Variants in PDGFD observed in about 807,000 individuals in gnomAD.
PDGFD encodes the protein platelet-derived growth factor D.
PDGFD carries 30 observed loss-of-function variants against 44.7 expected under a neutral mutation model. That is an observed-to-expected ratio of 0.67 (90% CI 0.50 to 0.91). The LOEUF is 0.91. PDGFD is among the 40% of genes least tolerant of loss of function. The pLI, the probability that PDGFD is intolerant of heterozygous loss-of-function variation, is 0.00. For missense variants in PDGFD, 445 were observed against 457.8 expected (o/e 0.97, Z 0.25); for synonymous variants, 173 against 168.4 (o/e 1.03, Z -0.21).
intron 1 of PDGFD, among the ~76,000 whole-genome samples, chr11:104,099,813 C>T (rs1861344552): frequency 6.6e-6 from 1 of 151,798 alleles, no homozygotes; most frequent in Admixed American, 6.6e-5. Context: ...ATTTGCAATT[C>T]TAGTATTTAA....
At chr11:104,139,515 G>A (rs1026462502) in intron 1 of PDGFD, among the ~76,000 whole-genome samples, 4 of 152,122 alleles carry the variant, frequency 2.6e-5, no homozygotes, top group East Asian at 3.8e-4. Flanking sequence ...ACAACAATCC[G>A]ATCACAAACA....
At chr11:103,979,788 T>C (rs1859239348) in intron 3 of PDGFD, among the ~76,000 whole-genome samples, 1 of 152,126 alleles carries the variant, frequency 6.6e-6, no homozygotes, top group Non-Finnish European at 1.5e-5. Flanking sequence ...GGCTGAGAAA[T>C]AACCATTCTA....
At chr11:104,153,553 T>C (rs977830030) in intron 1 of PDGFD, among the ~76,000 whole-genome samples, 3 of 151,804 alleles carry the variant, frequency 2.0e-5, no homozygotes, top group African/African-American at 7.2e-5. Context: ...CTATCTAAAA[T>C]GTGATATAGG....
chr11:103,939,142 G>A (rs1457195946), intron 5 of PDGFD, among the ~76,000 whole-genome samples: 1 of 152,058 alleles, frequency 6.6e-6, no homozygotes, highest in Admixed American at 6.6e-5. Context: ...AAATTACCTT[G>A]GGCAGTATGG....
At chr11:104,094,106 T>C (rs771366237) in intron 1 of PDGFD, among the ~76,000 whole-genome samples, 25 of 117,876 alleles carry the variant, frequency 2.1e-4, no homozygotes, top group Non-Finnish European at 3.0e-4. Context: ...TTCCATCTGA[T>C]TGAACATGCT....
chr11:103,950,927 A>G (rs1858747122), intron 3 of PDGFD, among the ~76,000 whole-genome samples: 1 of 152,176 alleles, frequency 6.6e-6, no homozygotes, highest in Admixed American at 6.5e-5. Context: ...TTCCTTGCAT[A>G]GACACATGGT....
At chr11:103,997,071 G>C (rs150688888) in intron 2 of PDGFD, among the ~76,000 whole-genome samples, 2 of 152,328 alleles carry the variant, frequency 1.3e-5, no homozygotes, top group Non-Finnish European at 2.9e-5. Flanking sequence ...CAGTAACATA[G>C]TTTACATCTT....
intron 1 of PDGFD, among the ~76,000 whole-genome samples, chr11:104,020,720 T>C (rs531256046): frequency 6.6e-5 from 10 of 152,318 alleles, no homozygotes; most frequent in African/African-American, 2.4e-4. Context: ...TCTATCCTAA[T>C]ATTACATTAT....
At chr11:104,017,357 G>GT (rs1249740760) in intron 1 of PDGFD, among the ~76,000 whole-genome samples, 345 of 150,340 alleles carry the variant, frequency 2.3e-3, no homozygotes, top group African/African-American at 3.5e-3. Flanking sequence ...CGTTTTTTTT[G>GT]TTTTTTTTTA....
chr11:103,978,659 T>C (rs940094297), intron 3 of PDGFD, among the ~76,000 whole-genome samples: 8 of 152,070 alleles, frequency 5.3e-5, no homozygotes, highest in South Asian at 2.1e-4. Flanking sequence ...TCCTATGGCA[T>C]GCTTGTAACA....
chr11:104,105,414 A>T (rs1861457568), intron 1 of PDGFD, among the ~76,000 whole-genome samples: 1 of 152,230 alleles, frequency 6.6e-6, no homozygotes. Context: ...CACCTCACTT[A>T]GATGAAGGCA....
In PDGFD at chr11:103,980,244, G is replaced by C. The variant is rs537191639; in HGVS notation, c.510+15821C>G. On this transcript the variant is annotated intron_variant, in intron 3 of 6. Transcript: ENST00000393158. ...CAGAAAATCATACGGAGTGCTTCTG[G>C]CCTTGAATAGCTATGCATTTTAGAC... 2.0e-5 allele frequency among the ~76,000 whole-genome samples: 3 copies of C among 152,086 alleles called. No homozygotes were observed. The South Asian group carries it at 6.2e-4, about 32-fold the overall frequency.
intron 1 of PDGFD, among the ~76,000 whole-genome samples, chr11:104,148,957 A>G (rs1159577174): frequency 6.6e-6 from 1 of 152,176 alleles, no homozygotes; most frequent in Non-Finnish European, 1.5e-5. Context: ...TCCATGGTGT[A>G]TATGTACCAA....
intron 3 of PDGFD, among the ~76,000 whole-genome samples, chr11:103,955,036 C>A (rs961422389): frequency 6.7e-6 from 1 of 148,642 alleles, no homozygotes. Context: ...TAGTGGCGGG[C>A]GCCTGTAGTC....
intron 1 of PDGFD, chr11:104,036,525 T>C: frequency 2.4e-6 from 1 of 420,548 alleles, no homozygotes; most frequent in East Asian, 3.9e-5. Flanking sequence ...CCTGACAGCT[T>C]TGAGCCATCG....
At chr11:104,131,901 G>A (rs1861927573) in intron 1 of PDGFD, among the ~76,000 whole-genome samples, 1 of 151,378 alleles carries the variant, frequency 6.6e-6, no homozygotes, top group Non-Finnish European at 1.5e-5. Flanking sequence ...CAGAAGTCTG[G>A]TAAAGAAGAG....
intron 1 of PDGFD, among the ~76,000 whole-genome samples, chr11:104,065,521 G>A (rs1591146506): frequency 6.6e-6 from 1 of 151,838 alleles, no homozygotes. Context: ...AACAGTTACT[G>A]GCAAATAAAT....
intron 3 of PDGFD, among the ~76,000 whole-genome samples, chr11:103,976,032 G>T (rs1265746406): frequency 6.6e-6 from 1 of 152,122 alleles, no homozygotes; most frequent in Non-Finnish European, 1.5e-5. Context: ...GTTCTGTGAA[G>T]AAAGTCAATG....
At chr11:103,994,574 A>AT (rs1485789964) in intron 3 of PDGFD, among the ~76,000 whole-genome samples, 1 of 152,190 alleles carries the variant, frequency 6.6e-6, no homozygotes, top group Non-Finnish European at 1.5e-5. Flanking sequence ...AACCAATTAG[A>AT]TTTTTTAAAA....
Sources: gnomAD v4.1 joint callset for allele counts (sites outside exome capture counted in the v4.1 genomes callset) on GRCh38, gnomAD v4.1.1 for gene constraint, MANE v1.5 for transcripts, NCBI Gene and HGNC (gene_info 2026-07-23, HGNC 2026-07-21) for gene names.